HUWE1: variants seen among roughly 807,000 people sequenced by gnomAD.
HUWE1 encodes the protein HECT, UBA and WWE domain containing E3 ubiquitin protein ligase 1.
In HUWE1, 18 loss-of-function variants were observed where a neutral mutation model predicts 299.4. The observed-to-expected ratio is 0.06, with a 90% CI of 0.04 to 0.09. The LOEUF is 0.09. Ranked by LOEUF, HUWE1 falls within the 10% of genes least tolerant of loss-of-function variation. HUWE1 has a pLI of 1.00. For missense variants in HUWE1, 1,832 were observed against 3,462.3 expected (o/e 0.53, Z 11.82); for synonymous variants, 1,317 against 1,286.1 (o/e 1.02, Z -0.51).
intron 49 of HUWE1, among the ~76,000 whole-genome samples, chrX:53,566,044 G>A (rs2062517339): frequency 9.5e-6 from 1 of 105,116 alleles, no homozygotes; most frequent in African/African-American, 3.5e-5. Context: ...ACTAACACCA[G>A]AGCAGCTCTG....
chrX:53,553,705 G>C (rs1429120019), intron 61 of HUWE1, among the ~76,000 whole-genome samples: 1 of 109,296 alleles, frequency 9.1e-6, no homozygotes, highest in East Asian at 2.9e-4. Context: ...AGTTACTTGG[G>C]AGGCTGAGGC....
chrX:53,674,936 T>C (rs1603274550), intron 3 of HUWE1, among the ~76,000 whole-genome samples: 2 of 112,345 alleles, frequency 1.8e-5, no homozygotes, highest in East Asian at 2.8e-4. Flanking sequence ...ATATAAATTA[T>C]AATGACCTTA....
intron 37 of HUWE1, among the ~76,000 whole-genome samples, chrX:53,587,526 A>C (rs936026894): frequency 8.9e-6 from 1 of 112,451 alleles, no homozygotes; most frequent in Non-Finnish European, 1.9e-5. Flanking sequence ...CAATTGCTTA[A>C]ATGAACAGGA....
chrX:53,668,428 T>G (rs2069358127), intron 3 of HUWE1, among the ~76,000 whole-genome samples: 1 of 81,449 alleles, frequency 1.2e-5, no homozygotes, highest in African/African-American at 5.0e-5. Context: ...AGTGACAAAG[T>G]AAGACTCCAT....
chrX:53,573,628 C>CTT lies in HUWE1; in HGVS notation c.6312+120_6312+121dup, dbSNP rs2062947566. 6 of 606,363 alleles carry CTT rather than the reference C, an allele frequency of 9.9e-6. No individual in the cohort carries two copies. The Admixed American group carries it at 1.5e-4, about 16-fold the overall frequency. 50.0% of individuals were successfully genotyped at this position (606,363 alleles called of 1,213,427 possible). A position where few individuals can be genotyped will look rare whatever the true frequency, so the allele number is the denominator to read the frequency against. ...CGGCCTTGCATGTCTGAAGATGCCT[C>CTT]TTCTCACTCATTACTTGGGTTAGCA... On this transcript the variant is annotated intron_variant, in intron 47 of 83. Transcript: ENST00000262854.
In HUWE1 at chrX:53,538,857, T is replaced by C. The variant is rs1556915813; in HGVS notation, c.11856A>G (p.Thr3952=). The change falls in exon 76 of 84, where the codon ACA becomes ACG. Residue 3952 remains threonine, a synonymous_variant. Transcript: ENST00000262854. Reference sequence around the variant, plus strand: ...TACCTGCAAAGCGAAGGAACTTCTGTGTGTCAGGGGGCAGGCTTGAGGAGA... The same window carrying C: ...TACCTGCAAAGCGAAGGAACTTCTGCGTGTCAGGGGGCAGGCTTGAGGAGA... The part of the protein sequence containing the change: ...MHISSSLPPD[T]QKFLRFAETH... 1.7e-6 allele frequency: 2 copies of C among 1,203,670 alleles called. No homozygotes were observed. The highest frequency in any genetic ancestry group is 3.5e-5 in the African/African-American group (2 of 56,658).
chrX:53,558,848 G>C lies in HUWE1; in HGVS notation c.8006-39C>G, dbSNP rs374741569. On this transcript the variant is annotated intron_variant, in intron 58 of 83. Coordinates refer to ENST00000262854, the MANE Select transcript of HUWE1 (RefSeq NM_031407.7). ...GCAAAAATCAAAGGCTGCTCTGGTGGGGTCAGGGAGGAAGCCAAGAGGCAG... is the reference window on the plus strand; with the variant it reads ...GCAAAAATCAAAGGCTGCTCTGGTGCGGTCAGGGAGGAAGCCAAGAGGCAG... The C allele has an allele frequency of 2.2e-5, 26 of 1,201,100 alleles. No homozygotes were observed. The Middle Eastern group carries it at 7.0e-4, about 33-fold the overall frequency.
At position 53,604,650 on chromosome X, in the gene HUWE1, T is replaced by C; in HGVS notation, c.2681A>G (p.His894Arg). The C allele has an allele frequency of 8.3e-7, 1 of 1,211,330 alleles. No homozygotes were observed. The highest frequency in any genetic ancestry group is 1.1e-6 in the Non-Finnish European group (1 of 894,930). ...GTAGGCATGGGCAGCAGTGAGTGCA[T>C]GCAGCAGAGGTGTGGCCTGGGCTGA... is the stretch of plus-strand genomic sequence containing the variant. ...TLSAQATPLL[H>R]ALTAAHAYIM... is the part of the protein sequence containing the mutation. The change falls in exon 26 of 84, where the codon CAT becomes CGT. Residue 894 changes from histidine (H) to arginine (R), a missense_variant. Physicochemically the swap from His to Arg is conservative, Grantham distance 29. Transcript: ENST00000262854.
chrX:53,575,275 C>T (rs782034696), intron 45 of HUWE1, 54 bp from the exon 46 acceptor site: 101 of 945,061 alleles, frequency 1.1e-4, no homozygotes, highest in Middle Eastern at 2.7e-4. Context: ...CACCCGTCTG[C>T]AAATGGCAGA....
chrX:53,571,399 G>GCCAGAAGTTTGAGA (rs1428471121), intron 47 of HUWE1, among the ~76,000 whole-genome samples: 3 of 111,586 alleles, frequency 2.7e-5, no homozygotes, highest in Non-Finnish European at 5.7e-5. Flanking sequence ...ATCACTTGAG[G>GCCAGAAGTTTGAGA]CCAGAAGTTT....
chrX:53,657,865 C>T (rs1346619898), intron 3 of HUWE1, among the ~76,000 whole-genome samples: 2 of 108,329 alleles, frequency 1.8e-5, no homozygotes, highest in Non-Finnish European at 1.9e-5. Flanking sequence ...CTGGCTAACA[C>T]GGTGAAACCC....
At chrX:53,581,275 A>G (rs973065186) in intron 42 of HUWE1, among the ~76,000 whole-genome samples, 5 of 112,343 alleles carry the variant, frequency 4.5e-5, no homozygotes, top group Non-Finnish European at 9.4e-5. Context: ...TGTCAAGACT[A>G]TAAACCCCAC....
At chrX:53,563,534 C>T (rs2062389226) in intron 52 of HUWE1, among the ~76,000 whole-genome samples, 1 of 111,277 alleles carries the variant, frequency 9.0e-6, no homozygotes, top group African/African-American at 3.3e-5. Flanking sequence ...CTCCCACCAC[C>T]TCCCCCACAC....
intron 33 of HUWE1, among the ~76,000 whole-genome samples, chrX:53,592,193 G>A (rs1368691493): frequency 9.0e-6 from 1 of 111,711 alleles, no homozygotes; most frequent in Non-Finnish European, 1.9e-5. Flanking sequence ...TGCTTGAAAG[G>A]AGTATTACCT....
Position 53,565,116 on chromosome X carries a change from C to T in HUWE1, c.6831G>A (p.Gln2277=), listed in dbSNP as rs1556944477. Residue 2277 remains glutamine (Q), a synonymous_variant, in exon 50 of 84, where the codon CAG becomes CAA. Coordinates refer to ENST00000262854, the MANE Select transcript of HUWE1 (RefSeq NM_031407.7). ...KSASSKNKSE[Q]DAQGASQDSS... is the part of the protein sequence containing the mutation. Reference sequence around the variant, plus strand: ...AATCTTGAGAGGCTCCTTGGGCATCCTGCTCAGACTTGTTCTTGCTAGAAG... The same window carrying T: ...AATCTTGAGAGGCTCCTTGGGCATCTTGCTCAGACTTGTTCTTGCTAGAAG... The T allele has an allele frequency of 3.1e-5, 38 of 1,210,054 alleles. No individual in the cohort carries two copies. The highest frequency in any genetic ancestry group is 4.2e-5 in the Non-Finnish European group (38 of 895,187).
Position 53,628,749 on chromosome X carries a change from T to C in HUWE1, c.1114+3A>G. ...GCCTAAGATAATCACCATCAAAACT[T>C]ACCAATCATGGCCTGGATACAGTTC... is the stretch of plus-strand genomic sequence containing the variant. On this transcript the variant is annotated splice_donor_region_variant and intron_variant, in intron 14 of 83. Transcript: ENST00000262854. 5.8e-6 allele frequency: 7 copies of C among 1,211,348 alleles called. No homozygotes were observed. The highest frequency in any genetic ancestry group is 7.8e-6 in the Non-Finnish European group (7 of 895,178).
At chrX:53,673,577 T>C (rs782047395) in intron 3 of HUWE1, among the ~76,000 whole-genome samples, 3 of 111,845 alleles carry the variant, frequency 2.7e-5, no homozygotes, top group African/African-American at 9.7e-5. Context: ...ATAATGTTCG[T>C]TGTACCCTAT....
chrX:53,684,102 C>A, intron 2 of HUWE1: 1 of 271,175 alleles, frequency 3.7e-6, no homozygotes, highest in Non-Finnish European at 6.5e-6. Context: ...GCCGAAGTAG[C>A]TACAGCTTCA....
At position 53,579,178 on chromosome X, in the gene HUWE1, C is replaced by T. The variant is rs1556963883; in HGVS notation, c.5716+1653G>A. 1.1e-4 allele frequency among the ~76,000 whole-genome samples: 3 copies of T among 27,709 alleles called. 1 individual carries two copies. 24.1% of individuals were successfully genotyped at this position (27,709 alleles called of 115,157 possible). A position where few individuals can be genotyped will look rare whatever the true frequency, so the allele number is the denominator to read the frequency against. ...GAGGACCCCTCTGCCCGGCCAGCCG[C>T]CCCGTCCGGGAGGGAGGTGGGGGGG... is the stretch of plus-strand genomic sequence containing the variant. On this transcript the variant is annotated intron_variant, in intron 43 of 83. Coordinates refer to ENST00000262854, the MANE Select transcript of HUWE1 (RefSeq NM_031407.7).
Sources: allele counts gnomAD v4.1 joint callset (sites outside exome capture counted in the v4.1 genomes callset), GRCh38; gene constraint gnomAD v4.1.1; transcripts MANE v1.5; gene names NCBI Gene and HGNC (gene_info 2026-07-23, HGNC 2026-07-21).